The following EGFL6 variants were observed in gnomAD, a reference collection of about 807,000 sequenced individuals.
EGFL6 encodes the protein EGF like domain multiple 6, also known as epidermal growth factor-like protein 6.
In EGFL6, 42 loss-of-function variants were observed where a neutral mutation model predicts 43.1. The observed-to-expected ratio is 0.98, with a 90% confidence interval of 0.76 to 1.26. The LOEUF (loss-of-function observed/expected upper bound fraction) is 1.26. Ranked by LOEUF, EGFL6 falls within the 50% of genes most tolerant of loss-of-function variation. The pLI is 0.00. For missense variants in EGFL6, 429 were observed against 427.8 expected, an observed-to-expected ratio of 1.00 and a Z score of -0.02; for synonymous variants, 164 against 163.2, an observed-to-expected ratio of 1.01 and a Z score of -0.04.
At chrX:13,572,705 G>A (rs2045449590) in intron 1 of EGFL6, among the ~76,000 whole-genome samples, 2 of 111,999 alleles carry the variant, frequency 1.8e-5, no homozygotes, top group Admixed American at 1.9e-4. Context: ...AGAGAGGAGG[G>A]AATGACTAGG....
At chrX:13,630,429 T>C (rs188720947) in intron 11 of EGFL6, among the ~76,000 whole-genome samples, 2 of 111,415 alleles carry the variant, frequency 1.8e-5, no homozygotes, top group South Asian at 7.7e-4. Context: ...TGCCAAGATG[T>C]AGACATAGCC....
chrX:13,619,372 C>T (rs1274117985), intron 9 of EGFL6, 129 bp downstream of exon 9: 5 of 537,563 alleles, frequency 9.3e-6, no homozygotes, highest in Non-Finnish European at 1.6e-5. Flanking sequence ...AAAATCATTA[C>T]ATCACACACA....
At chrX:13,577,341 T>C (rs1211698175) in intron 1 of EGFL6, among the ~76,000 whole-genome samples, 81 of 12,010 alleles carry the variant, frequency 6.7e-3, no homozygotes, top group African/African-American at 0.017. Flanking sequence ...TATATATATA[T>C]ACATACACAC....
chrX:13,629,767 A>G (rs774245793), intron 11 of EGFL6, among the ~76,000 whole-genome samples: 4 of 111,606 alleles, frequency 3.6e-5, no homozygotes, highest in African/African-American at 9.8e-5. Flanking sequence ...GCTGGGGGGG[A>G]AATTTAATCT....
chrX:13,601,401 A>G (rs2045633372), intron 4 of EGFL6, among the ~76,000 whole-genome samples: 1 of 111,703 alleles, frequency 9.0e-6, no homozygotes, highest in South Asian at 3.7e-4. Context: ...TTCAGGTTTT[A>G]TGTTCCAGTT....
At chrX:13,603,626 C>T (rs762552736) in intron 5 of EGFL6, among the ~76,000 whole-genome samples, 190 bp downstream of exon 5, 1 of 112,589 alleles carries the variant, frequency 8.9e-6, no homozygotes, top group South Asian at 3.6e-4. Context: ...TGCTAAAAAA[C>T]ACATTTTTCT....
At chrX:13,574,234 C>T (rs2045458386) in intron 1 of EGFL6, among the ~76,000 whole-genome samples, 1 of 112,121 alleles carries the variant, frequency 8.9e-6, no homozygotes, top group African/African-American at 3.2e-5. Flanking sequence ...GGGGATTCTG[C>T]ACTTTCAGCC....
At chrX:13,593,588 C>T (rs762949803) in intron 2 of EGFL6, among the ~76,000 whole-genome samples, 1 of 111,714 alleles carries the variant, frequency 9.0e-6, no homozygotes, top group South Asian at 3.8e-4. Context: ...ACTCCTGCAT[C>T]AGTGAGGCAC....
intron 4 of EGFL6, among the ~76,000 whole-genome samples, chrX:13,601,334 C>T (rs1353180417): frequency 8.9e-6 from 1 of 111,900 alleles, no homozygotes; most frequent in Non-Finnish European, 1.9e-5. Context: ...AAGAAAAACC[C>T]ATGTCCTGTG....
intron 1 of EGFL6, among the ~76,000 whole-genome samples, chrX:13,580,699 T>C (rs2045500896): frequency 8.9e-6 from 1 of 111,994 alleles, no homozygotes; most frequent in Non-Finnish European, 1.9e-5. Context: ...TTTCTTTTGC[T>C]CCCTCTAGTC....
chrX:13,592,052 C>G (rs374384905), intron 2 of EGFL6, among the ~76,000 whole-genome samples: 4 of 110,946 alleles, frequency 3.6e-5, no homozygotes, highest in African/African-American at 1.3e-4. Flanking sequence ...GTCACAGATC[C>G]AAAGTTACTG....
chrX:13,597,332 G>T (rs1316189326), intron 3 of EGFL6, among the ~76,000 whole-genome samples: 1 of 111,719 alleles, frequency 9.0e-6, no homozygotes, highest in Non-Finnish European at 1.9e-5. Context: ...AAGCCCAGAG[G>T]TTAGCCCCAT....
At chrX:13,589,116 C>A (rs1208719635) in intron 1 of EGFL6, among the ~76,000 whole-genome samples, 1 of 111,851 alleles carries the variant, frequency 8.9e-6, no homozygotes. Context: ...TCTTAATCAT[C>A]TATAGTGTAT....
intron 1 of EGFL6, among the ~76,000 whole-genome samples, chrX:13,588,795 A>G (rs2045547068): frequency 8.9e-6 from 1 of 112,513 alleles, no homozygotes; most frequent in African/African-American, 3.2e-5. Context: ...GTCCATAAAT[A>G]AAGTTTTATT....
chrX:13,629,039 T>C (rs892597100), intron 11 of EGFL6, among the ~76,000 whole-genome samples: 1 of 113,004 alleles, frequency 8.8e-6, no homozygotes, highest in Non-Finnish European at 1.9e-5. Flanking sequence ...GTTTAAAATA[T>C]GTCATGAGAC....
intron 2 of EGFL6, among the ~76,000 whole-genome samples, chrX:13,593,130 G>T (rs753452902): frequency 1.1e-4 from 12 of 110,044 alleles, no homozygotes; most frequent in Non-Finnish European, 2.3e-4. Context: ...GGCCGGGCTG[G>T]TCTCAAACTC....
intron 11 of EGFL6, among the ~76,000 whole-genome samples, chrX:13,627,638 G>A (rs1370084645): frequency 8.9e-6 from 1 of 112,120 alleles, no homozygotes; most frequent in Non-Finnish European, 1.9e-5. Context: ...GCTAGAAGGT[G>A]ATTTCTTTTA....
chrX:13,596,367 G>A (rs749452316), intron 3 of EGFL6: 5 of 111,108 alleles, frequency 4.5e-5, no homozygotes, highest in East Asian at 2.8e-4. Context: ...CTGAAGCTGC[G>A]CGCTCGTGTG....
chrX:13,602,624 C>T (rs2045639816), intron 4 of EGFL6, among the ~76,000 whole-genome samples: 2 of 111,653 alleles, frequency 1.8e-5, no homozygotes, highest in Non-Finnish European at 3.8e-5. Context: ...GAACCAATGC[C>T]TCTTTCATGC....
Sources: allele counts gnomAD v4.1 joint callset (sites outside exome capture counted in the v4.1 genomes callset), GRCh38; gene constraint gnomAD v4.1.1; transcripts MANE v1.5; gene names NCBI Gene and HGNC (gene_info 2026-07-23, HGNC 2026-07-21).